CSMD2: variants seen among roughly 807,000 people sequenced by gnomAD.
CSMD2 encodes the protein CUB and Sushi multiple domains 2.
CSMD2 carries 130 observed loss-of-function variants against 398.5 expected under a neutral mutation model. The observed-to-expected ratio is 0.33, with a 90% CI of 0.28 to 0.38. The LOEUF (loss-of-function observed/expected upper bound fraction) is 0.38. Ranked by LOEUF, CSMD2 falls within the 10% of genes least tolerant of loss-of-function variation. The pLI is 1.00. For missense variants in CSMD2, 3,829 were observed against 4,764.9 expected, an observed-to-expected ratio of 0.80 and a Z score of 5.78; for synonymous variants, 1,828 against 1,908.5, an observed-to-expected ratio of 0.96 and a Z score of 1.10.
intron 3 of CSMD2, among the ~76,000 whole-genome samples, chr1:34,021,949 A>G (rs1042514436): frequency 6.6e-6 from 1 of 152,188 alleles, no homozygotes; most frequent in East Asian, 1.9e-4. Flanking sequence ...AGTCAATGGC[A>G]TGTCACACTT....
intron 1 of CSMD2, among the ~76,000 whole-genome samples, chr1:34,118,953 AG>A (rs1351503018): frequency 1.3e-5 from 2 of 152,230 alleles, no homozygotes; most frequent in African/African-American, 2.4e-5. Context: ...GGAATCTTAA[AG>A]GACCCCAAAT....
chr1:34,023,495 T>C (rs556846844), intron 3 of CSMD2, among the ~76,000 whole-genome samples: 21 of 152,298 alleles, frequency 1.4e-4, no homozygotes, highest in Non-Finnish European at 2.9e-5. Flanking sequence ...ATAGCTACCA[T>C]TGCAGGACTC....
At chr1:33,550,791 A>T (rs1433482452) in intron 55 of CSMD2, among the ~76,000 whole-genome samples, 2 of 152,212 alleles carry the variant, frequency 1.3e-5, no homozygotes, top group East Asian at 3.9e-4. Flanking sequence ...TGCATCTTAC[A>T]GTTGCCTCAT....
chr1:33,783,165 G>C (rs1260917229), intron 12 of CSMD2, among the ~76,000 whole-genome samples: 1 of 152,158 alleles, frequency 6.6e-6, no homozygotes, highest in Non-Finnish European at 1.5e-5. Context: ...TGGTGGTGCT[G>C]TTCGTGAAGA....
At chr1:33,787,656 G>T (rs1350289453) in intron 12 of CSMD2, among the ~76,000 whole-genome samples, 1 of 152,166 alleles carries the variant, frequency 6.6e-6, no homozygotes, top group Non-Finnish European at 1.5e-5. Context: ...TGATGTGTCT[G>T]TCCCCCTTGT....
intron 5 of CSMD2, chr1:33,873,775 A>G (rs1640638399): frequency 6.6e-6 from 1 of 152,238 alleles, no homozygotes; most frequent in Admixed American, 6.5e-5. Context: ...TAACACAGAG[A>G]AAATATGAGC....
rs144570942 is a variant in CSMD2, at chr1:34,114,965, T to C, written c.188-25772A>G. Among the ~76,000 whole-genome samples, 12 of 152,146 alleles carry C rather than the reference T, an allele frequency of 7.9e-5. No individual in the cohort carries two copies. In the East Asian group the frequency reaches 2.1e-3, roughly 27 times the overall value. The stretch of plus-strand genomic sequence containing the variant: ...GACTATAATAACTGAATTTAAAATT[T>C]TACTGGAGGGGTTCAATAACAGACT... On this transcript the variant is annotated intron_variant, in intron 1 of 70. Transcript: ENST00000373381.
At chr1:33,738,243 C>A (rs770533535) in intron 15 of CSMD2, among the ~76,000 whole-genome samples, 2 of 152,172 alleles carry the variant, frequency 1.3e-5, no homozygotes, top group Non-Finnish European at 2.9e-5. Flanking sequence ...AAGGTTTCTG[C>A]CTCCTAAAAG....
chr1:33,620,934 G>C (rs1641732402), intron 37 of CSMD2, among the ~76,000 whole-genome samples: 1 of 151,722 alleles, frequency 6.6e-6, no homozygotes, highest in Non-Finnish European at 1.5e-5. Context: ...GACCCAGATG[G>C]GCATGTGCAT....
At chr1:33,785,722 G>A (rs955372495) in intron 12 of CSMD2, among the ~76,000 whole-genome samples, 4 of 152,190 alleles carry the variant, frequency 2.6e-5, no homozygotes, top group African/African-American at 7.2e-5. Flanking sequence ...GGAGGGTACC[G>A]CAGGTCTTTG....
intron 55 of CSMD2, among the ~76,000 whole-genome samples, chr1:33,557,475 AG>A (rs1427875477): frequency 1.3e-5 from 2 of 152,152 alleles, no homozygotes; most frequent in Non-Finnish European, 2.9e-5. Flanking sequence ...GTAACTAGAG[AG>A]GAAAGGGACC....
chr1:33,812,347 GGGA>G (rs1557934152), intron 9 of CSMD2, among the ~76,000 whole-genome samples: 1 of 152,168 alleles, frequency 6.6e-6, no homozygotes, highest in Non-Finnish European at 1.5e-5. Context: ...ATCACCTCCT[GGGA>G]GGAGATTTCT....
chr1:33,525,899 G>C lies in CSMD2; in HGVS notation c.10235-856C>G, dbSNP rs577226736. 2.6e-5 allele frequency among the ~76,000 whole-genome samples: 4 copies of C among 152,224 alleles called. No homozygotes were observed. In the South Asian group the frequency reaches 8.3e-4, roughly 32 times the overall value. On this transcript the variant is annotated intron_variant, in intron 65 of 70. Transcript: ENST00000373381. ...AGGTTTCACCATGTTGGTCAGGCTGGTCTCGAACTCCTGACCTCAGGTGAT... is the reference window on the plus strand; with the variant it reads ...AGGTTTCACCATGTTGGTCAGGCTGCTCTCGAACTCCTGACCTCAGGTGAT...
rs141749441 is a variant in CSMD2 at position 33,796,890 on chromosome 1, G to A, written c.1447-4364C>T. On this transcript the variant is annotated intron_variant, in intron 10 of 70. Coordinates refer to ENST00000373381, the MANE Select transcript of CSMD2 (RefSeq NM_001281956.2). ...CCTGGGGGGAGGTCTATAAATGGCCGCTCTGGGAGTGTCTGTCTTATGTGG... is the reference window on the plus strand; with the variant it reads ...CCTGGGGGGAGGTCTATAAATGGCCACTCTGGGAGTGTCTGTCTTATGTGG... Among the ~76,000 whole-genome samples the A allele has an allele frequency of 7.2e-5, 11 of 152,272 alleles. No individual in the cohort carries two copies. The South Asian group carries it at 1.9e-3, about 26-fold the overall frequency.
intron 53 of CSMD2, among the ~76,000 whole-genome samples, chr1:33,561,895 G>A (rs545864648): frequency 5.3e-5 from 8 of 152,298 alleles, no homozygotes; most frequent in African/African-American, 1.9e-4. Flanking sequence ...TACTTTCACC[G>A]GATTTGGAAA....
chr1:33,772,596 A>G lies in CSMD2; in HGVS notation c.1819T>C (p.Trp607Arg). Residue 607 changes from tryptophan (W) to arginine (R), a missense_variant, in exon 13 of 71, where the codon TGG becomes CGG. Physicochemically the swap from Trp to Arg is moderately radical, Grantham distance 101. Coordinates refer to ENST00000373381, the MANE Select transcript of CSMD2 (RefSeq NM_001281956.2). Reference sequence around the variant, plus strand: ...ACGCAGCCTGGCTTCTTAGCCGACCATTGGTTATTCTTTTGGCATGTGATT... The same window carrying G: ...ACGCAGCCTGGCTTCTTAGCCGACCGTTGGTTATTCTTTTGGCATGTGATT... ...KAITCQKNNQ[W>R]SAKKPGCVFS... 1 of 1,613,762 alleles carries G rather than the reference A, an allele frequency of 6.2e-7. No individual in the cohort carries two copies. The highest frequency in any genetic ancestry group is 8.5e-7 in the Non-Finnish European group (1 of 1,179,854).
At chr1:33,841,586 C>T (rs560343715) in intron 6 of CSMD2, among the ~76,000 whole-genome samples, 326 of 152,238 alleles carry the variant, frequency 2.1e-3, no homozygotes, top group African/African-American at 7.4e-3. Flanking sequence ...TTGAAACATT[C>T]CTGGCCTGGA....
intron 2 of CSMD2, among the ~76,000 whole-genome samples, chr1:34,075,172 G>C (rs1656186807): frequency 6.6e-6 from 1 of 152,238 alleles, no homozygotes; most frequent in Non-Finnish European, 1.5e-5. Context: ...TAGCCGTTCA[G>C]TGTCCTCATT....
At position 34,089,198 on chromosome 1, in the gene CSMD2, G is replaced by T; in HGVS notation, c.188-5C>A. ...GTTGGAACGTGCAGTTCTGGCCTGG[G>T]AAAGAGAAATGGAGCAGTTCAGAAT... On this transcript the variant is annotated splice_region_variant and splice_polypyrimidine_tract_variant and intron_variant, in intron 1 of 70. Transcript: ENST00000373381. 6.2e-7 allele frequency: 1 copy of T among 1,613,606 alleles called. No homozygotes were observed. The highest frequency in any genetic ancestry group is 8.5e-7 in the Non-Finnish European group (1 of 1,179,668).
Sources: gnomAD v4.1 joint callset for allele counts (sites outside exome capture counted in the v4.1 genomes callset) on GRCh38, gnomAD v4.1.1 for gene constraint, MANE v1.5 for transcripts, NCBI Gene and HGNC (gene_info 2026-07-23, HGNC 2026-07-21) for gene names.